Variants in ASAP1 observed in about 807,000 individuals in gnomAD.
ASAP1 encodes the protein arf-GAP with SH3 domain, ANK repeat and PH domain-containing protein 1.
ASAP1 carries 43 observed loss-of-function variants against 145.2 expected under a neutral mutation model. That is an observed-to-expected ratio of 0.30 (90% CI 0.23 to 0.38). The LOEUF is 0.38. Among genes scored for constraint, ASAP1 ranks in the 10% least tolerant of loss-of-function variants. The pLI, the probability that ASAP1 is intolerant of heterozygous loss-of-function variation, is 1.00. For missense variants in ASAP1, 1,018 were observed against 1,355.3 expected (o/e 0.75, Z 3.91); for synonymous variants, 546 against 515.5 (o/e 1.06, Z -0.80).
intron 4 of ASAP1, among the ~76,000 whole-genome samples, chr8:130,227,367 C>T (rs890093101): frequency 1.3e-5 from 2 of 152,158 alleles, no homozygotes; most frequent in Admixed American, 1.3e-4. Flanking sequence ...ATTCTCCCAC[C>T]TCAGACTCCT....
At chr8:130,306,519 C>T (rs1447645938) in intron 3 of ASAP1, among the ~76,000 whole-genome samples, 1 of 152,202 alleles carries the variant, frequency 6.6e-6, no homozygotes, top group Non-Finnish European at 1.5e-5. Context: ...CAAGGATCCA[C>T]ATGATCAATT....
intron 25 of ASAP1, among the ~76,000 whole-genome samples, chr8:130,087,557 C>T (rs969174079): frequency 2.6e-5 from 4 of 152,016 alleles, no homozygotes; most frequent in African/African-American, 9.7e-5. Flanking sequence ...GAAACCTCCA[C>T]CTGGCTGAGG....
chr8:130,265,622 C>G (rs1335407728), intron 3 of ASAP1, among the ~76,000 whole-genome samples: 1 of 151,250 alleles, frequency 6.6e-6, no homozygotes, highest in African/African-American at 2.4e-5. Context: ...CACTTGTAAT[C>G]CCAGCACTTT....
intron 5 of ASAP1, among the ~76,000 whole-genome samples, chr8:130,210,542 G>A (rs1366215155): frequency 6.6e-6 from 1 of 152,140 alleles, no homozygotes; most frequent in African/African-American, 2.4e-5. Flanking sequence ...TCACCAATGA[G>A]AGAAATCAAA....
At chr8:130,441,125 T>C (rs1269817121) in intron 1 of ASAP1, among the ~76,000 whole-genome samples, 1 of 152,206 alleles carries the variant, frequency 6.6e-6, no homozygotes, top group Non-Finnish European at 1.5e-5. Flanking sequence ...CATTGAAAGA[T>C]GAGGCTGGAA....
At chr8:130,212,389 G>A (rs560488006) in intron 5 of ASAP1, among the ~76,000 whole-genome samples, 3 of 152,312 alleles carry the variant, frequency 2.0e-5, no homozygotes, top group Non-Finnish European at 4.4e-5. Flanking sequence ...GTAGCTTGAG[G>A]TATGTATATG....
At chr8:130,402,280 C>T (rs1014831201) in intron 1 of ASAP1, among the ~76,000 whole-genome samples, 13 of 152,268 alleles carry the variant, frequency 8.5e-5, no homozygotes, top group Non-Finnish European at 1.6e-4. Flanking sequence ...GGCTCCTAAA[C>T]ATAAAATTAA....
At chr8:130,062,045 T>C (rs755049545) in intron 27 of ASAP1, among the ~76,000 whole-genome samples, 3 of 152,248 alleles carry the variant, frequency 2.0e-5, no homozygotes, top group Non-Finnish European at 4.4e-5. Flanking sequence ...GGTTAATATA[T>C]GCAAAGAATT....
At chr8:130,237,032 T>C in intron 3 of ASAP1, 38 bp from the exon 4 acceptor site, 2 of 1,450,754 alleles carry the variant, frequency 1.4e-6, no homozygotes, top group Non-Finnish European at 1.9e-6. Flanking sequence ...ATTAGAAGAT[T>C]TGGTAAATTA....
At chr8:130,152,658 G>A in intron 13 of ASAP1, 78 bp downstream of exon 13, 4 of 959,366 alleles carry the variant, frequency 4.2e-6, no homozygotes, top group South Asian at 2.0e-5. Flanking sequence ...ATATATTTGC[G>A]CCAATTTTTA....
At chr8:130,439,980 C>T (rs1455454200) in intron 1 of ASAP1, among the ~76,000 whole-genome samples, 1 of 152,152 alleles carries the variant, frequency 6.6e-6, no homozygotes, top group Non-Finnish European at 1.5e-5. Flanking sequence ...CTTCCTGTCT[C>T]CCACAACAAC....
intron 29 of ASAP1, 45 bp from the exon 30 acceptor site, chr8:130,054,850 T>C: frequency 6.5e-7 from 1 of 1,530,280 alleles, no homozygotes; most frequent in Non-Finnish European, 9.1e-7. Flanking sequence ...CAGCAGGCAG[T>C]GGCCCCACGA....
intron 1 of ASAP1, among the ~76,000 whole-genome samples, chr8:130,430,460 G>A (rs912601143): frequency 1.3e-5 from 2 of 152,172 alleles, no homozygotes; most frequent in Non-Finnish European, 2.9e-5. Context: ...GCGTTCAGTG[G>A]GTAAGCAGAG....
At chr8:130,416,825 T>A (rs953855548) in intron 1 of ASAP1, among the ~76,000 whole-genome samples, 1 of 152,182 alleles carries the variant, frequency 6.6e-6, no homozygotes, top group Non-Finnish European at 1.5e-5. Flanking sequence ...CCACAACCAC[T>A]GTGGGAAAGA....
chr8:130,204,803 T>C (rs575444674), intron 5 of ASAP1, among the ~76,000 whole-genome samples: 1 of 152,276 alleles, frequency 6.6e-6, no homozygotes, highest in East Asian at 1.9e-4. Flanking sequence ...TGTTAAGCCA[T>C]GGAGATTTGG....
chr8:130,134,443 T>C, intron 14 of ASAP1, 99 bp from the exon 15 acceptor site: 1 of 671,702 alleles, frequency 1.5e-6, no homozygotes, highest in Non-Finnish European at 2.3e-6. Flanking sequence ...CCAGTAAAAG[T>C]AGAATTTTAA....
chr8:130,242,525 A>G (rs950247561), intron 3 of ASAP1, among the ~76,000 whole-genome samples: 3 of 152,034 alleles, frequency 2.0e-5, no homozygotes, highest in African/African-American at 7.2e-5. Flanking sequence ...TTGGGCAATC[A>G]TGCTACCTTG....
chr8:130,091,924 C>T (rs770715625), intron 25 of ASAP1, 49 bp downstream of exon 25: 161 of 1,476,000 alleles, frequency 1.1e-4, no homozygotes, highest in Admixed American at 2.1e-4. Flanking sequence ...TGGAGCCCCA[C>T]ACGCTGCCTG....
At position 130,267,141 on chromosome 8, in the gene ASAP1, A is replaced by C. The variant is rs970217509; in HGVS notation, c.187-30147T>G. On this transcript the variant is annotated intron_variant, in intron 3 of 29. Transcript: ENST00000518721. The stretch of plus-strand genomic sequence containing the variant: ...AAACAAACAAAAAAAAAACAAAACA[A>C]AAAACAAAACAAAAAAAAACTAGTA... 9.9e-5 allele frequency among the ~76,000 whole-genome samples: 15 copies of C among 151,458 alleles called. 1 individual carries two copies. The highest frequency in any genetic ancestry group is 7.2e-4 in the Admixed American group (11 of 15,236).
Sources: allele counts gnomAD v4.1 joint callset (sites outside exome capture counted in the v4.1 genomes callset), GRCh38; gene constraint gnomAD v4.1.1; transcripts MANE v1.5; gene names NCBI Gene and HGNC (gene_info 2026-07-23, HGNC 2026-07-21).